STK3: variants seen among roughly 807,000 people sequenced by gnomAD.
STK3 encodes the protein serine/threonine kinase 3.
In STK3, 41 loss-of-function variants were observed where a neutral mutation model predicts 58.0. The ratio of observed to expected loss-of-function variants is 0.71; its 90% CI spans 0.55 to 0.92. The LOEUF (loss-of-function observed/expected upper bound fraction) is 0.92. STK3 is among the 40% of genes least tolerant of loss of function. The probability of loss-of-function intolerance (pLI) is 0.00; values close to 1 mark genes in which losing one functional copy is unlikely to be tolerated. For synonymous variants in STK3, 170 were observed against 191.0 expected (o/e 0.89, Z 0.91); for missense variants, 479 against 602.7 (o/e 0.79, Z 2.15).
intron 1 of STK3, among the ~76,000 whole-genome samples, chr8:98,387,302 A>G (rs1420468327): frequency 6.6e-6 from 1 of 152,260 alleles, no homozygotes; most frequent in Non-Finnish European, 1.5e-5. Context: ...CTTTAGGACC[A>G]AGGATTTTCA....
intron 1 of STK3, among the ~76,000 whole-genome samples, chr8:98,441,274 G>A (rs184336867): frequency 3.5e-4 from 53 of 152,156 alleles, no homozygotes; most frequent in Admixed American, 2.5e-3. Flanking sequence ...CTTTATACCC[G>A]GAGAATTGAA....
chr8:98,751,700 C>T (rs1829992085), intron 3 of STK3, among the ~76,000 whole-genome samples: 1 of 152,122 alleles, frequency 6.6e-6, no homozygotes, highest in South Asian at 2.1e-4. Context: ...CGCCTGTAAA[C>T]CCAGCACTTT....
At chr8:98,612,809 T>A (rs1329938598) in intron 6 of STK3, among the ~76,000 whole-genome samples, 1 of 152,148 alleles carries the variant, frequency 6.6e-6, no homozygotes, top group African/African-American at 2.4e-5. Flanking sequence ...TAAAGTTCTA[T>A]CCTCATGAGA....
intron 10 of STK3, among the ~76,000 whole-genome samples, chr8:98,524,569 T>A (rs952888888): frequency 2.0e-5 from 3 of 152,244 alleles, no homozygotes; most frequent in Non-Finnish European, 4.4e-5. Flanking sequence ...CCTACTTGGT[T>A]AAGATTATTC....
chr8:98,676,403 G>A (rs187386805), intron 6 of STK3, among the ~76,000 whole-genome samples: 7 of 152,278 alleles, frequency 4.6e-5, no homozygotes, highest in African/African-American at 1.7e-4. Flanking sequence ...GAGGTCAGGA[G>A]TTAGAGACCA....
intron 3 of STK3, among the ~76,000 whole-genome samples, chr8:98,842,030 A>G (rs571437701): frequency 6.6e-6 from 1 of 152,140 alleles, no homozygotes; most frequent in Non-Finnish European, 1.5e-5. Flanking sequence ...AAAAGATAGC[A>G]TTCACAAATA....
intron 1 of STK3, among the ~76,000 whole-genome samples, chr8:98,795,806 CAATACAAT>C (rs1833126898): frequency 9.6e-6 from 1 of 103,880 alleles, no homozygotes; most frequent in Non-Finnish European, 1.9e-5. Flanking sequence ...AAATACAATA[CAATACAAT>C]ACAATACAAT....
chr8:98,886,190 C>T (rs1837984674), intron 1 of STK3, among the ~76,000 whole-genome samples: 4 of 152,172 alleles, frequency 2.6e-5, no homozygotes, highest in South Asian at 2.1e-4. Context: ...TACACATACA[C>T]ACACACACAC....
chr8:98,656,884 A>C (rs1304915005), intron 6 of STK3, among the ~76,000 whole-genome samples: 1 of 152,112 alleles, frequency 6.6e-6, no homozygotes, highest in Non-Finnish European at 1.5e-5. Flanking sequence ...TATTCTGTCA[A>C]TCTCTGAATA....
At chr8:98,582,096 A>G (rs1813951948) in intron 7 of STK3, among the ~76,000 whole-genome samples, 1 of 152,180 alleles carries the variant, frequency 6.6e-6, no homozygotes, top group Non-Finnish European at 1.5e-5. Context: ...AAACTTTTCA[A>G]GCAGTCTCAA....
chr8:98,940,552 C>G (rs906755581), intron 1 of STK3, among the ~76,000 whole-genome samples: 2 of 152,100 alleles, frequency 1.3e-5, no homozygotes, highest in African/African-American at 4.8e-5. Context: ...TTCCGGGTGG[C>G]GGGGTTCCTG....
At chr8:98,858,319 TATATAGAG>T (rs1264435188) in intron 3 of STK3, among the ~76,000 whole-genome samples, 14 of 39,956 alleles carry the variant, frequency 3.5e-4, no homozygotes, top group African/African-American at 1.0e-3. Flanking sequence ...TATATATATA[TATATAGAG>T]AGAGAGAGAG....
intron 3 of STK3, among the ~76,000 whole-genome samples, chr8:98,878,036 GCAA>G (rs946675222): frequency 1.1e-4 from 16 of 151,200 alleles, no homozygotes; most frequent in Non-Finnish European, 1.8e-4. Context: ...TGCAACAACA[GCAA>G]CAACAACAAC....
intron 1 of STK3, among the ~76,000 whole-genome samples, chr8:98,785,278 G>A (rs765598565): frequency 3.3e-5 from 5 of 152,170 alleles, no homozygotes; most frequent in Non-Finnish European, 7.4e-5. Context: ...AGAAATCTTA[G>A]TGGTGGTGGG....
In STK3 at chr8:98,591,577, A is replaced by T. The variant is rs557961221; in HGVS notation, c.822+4455T>A. On this transcript the variant is annotated intron_variant, in intron 7 of 10. Coordinates refer to ENST00000419617, the MANE Select transcript of STK3 (RefSeq NM_006281.4). ...GGTCTTGCTCTTCATGTACCCTTTT[A>T]ACTTTATTAGCCAGTTCCTCTTTGT... 5.9e-5 allele frequency among the ~76,000 whole-genome samples: 9 copies of T among 152,314 alleles called. No individual in the cohort carries two copies. In the East Asian group the frequency reaches 1.7e-3, roughly 29 times the overall value.
chr8:98,447,955 T>TATAATAATAATA lies in STK3; in HGVS notation n.186-10759_186-10748dup, dbSNP rs143901845. 6.1e-4 allele frequency among the ~76,000 whole-genome samples: 87 copies of TATAATAATAATA among 142,028 alleles called. 1 individual carries two copies. Among genetic ancestry groups the TATAATAATAATA allele is most frequent in the Middle Eastern group, 3.6e-3 (1 of 276 alleles). 93.2% of individuals were successfully genotyped at this position (142,028 alleles called of 152,430 possible). On this transcript the variant is annotated intron_variant and non_coding_transcript_variant, in intron 1 of 3. Coordinates refer to the STK3 transcript ENST00000517832. ...TGCACATGTACCCTAAAACTTAAAG[T>TATAATAATAATA]ATAATAATAATAATAATAATAATAA...
chr8:98,418,482 G>C (rs1261144479), intron 3 of STK3, among the ~76,000 whole-genome samples: 1 of 152,230 alleles, frequency 6.6e-6, no homozygotes, highest in Non-Finnish European at 1.5e-5. Context: ...TGGATGGATG[G>C]ATGGATCGAT....
intron 3 of STK3, among the ~76,000 whole-genome samples, chr8:98,840,255 G>A (rs929862499): frequency 7.4e-5 from 11 of 149,650 alleles, no homozygotes; most frequent in African/African-American, 2.5e-4. Flanking sequence ...GCTGAGGCAC[G>A]AGAATCACTT....
At chr8:98,598,916 C>T (rs1816070832) in intron 6 of STK3, 2 of 985,072 alleles carry the variant, frequency 2.0e-6, no homozygotes, top group Middle Eastern at 5.2e-4. Context: ...TGCTTCAAAA[C>T]AACTAATTAT....
Sources: gnomAD v4.1 joint callset for allele counts (sites outside exome capture counted in the v4.1 genomes callset) on GRCh38, gnomAD v4.1.1 for gene constraint, MANE v1.5 for transcripts, NCBI Gene and HGNC (gene_info 2026-07-23, HGNC 2026-07-21) for gene names.